KCNQ3: variants seen among roughly 807,000 people sequenced by gnomAD.
KCNQ3 encodes the protein potassium voltage-gated channel subfamily Q member 3.
A neutral mutation model predicts 92.5 loss-of-function variants in KCNQ3; 30 were observed. The observed-to-expected ratio is 0.32, with a 90% CI of 0.24 to 0.44. The LOEUF is 0.44. KCNQ3 is among the 20% of genes least tolerant of loss of function. The pLI, the probability that KCNQ3 is intolerant of heterozygous loss-of-function variation, is 1.00. For missense variants in KCNQ3, 913 were observed against 1,140.3 expected (o/e 0.80, Z 2.87); for synonymous variants, 450 against 468.8 (o/e 0.96, Z 0.52).
At chr8:132,225,642 C>T (rs539891059) in intron 1 of KCNQ3, among the ~76,000 whole-genome samples, 2 of 152,182 alleles carry the variant, frequency 1.3e-5, no homozygotes, top group Non-Finnish European at 2.9e-5. Context: ...TCAGTCACTT[C>T]ACATGGGCAG....
intron 11 of KCNQ3, among the ~76,000 whole-genome samples, chr8:132,139,571 C>T (rs1258306809): frequency 6.6e-6 from 1 of 152,112 alleles, no homozygotes; most frequent in Non-Finnish European, 1.5e-5. Context: ...CATTTTCTTG[C>T]AGAATTCTAA....
chr8:132,219,727 C>T (rs1814156618), intron 1 of KCNQ3, among the ~76,000 whole-genome samples: 1 of 152,110 alleles, frequency 6.6e-6, no homozygotes, highest in Non-Finnish European at 1.5e-5. Context: ...GGACAAGCCA[C>T]TAATCCTCTT....
rs1332237794 is a variant in KCNQ3 at position 132,396,625 on chromosome 8, G to C, written c.386+83522C>G. Reference sequence around the variant, plus strand: ...ACAGTTGTAGCGGGTAAGATTATAAGACAGTCCCCAAGATTTCTGCCTCTG... The same window carrying C: ...ACAGTTGTAGCGGGTAAGATTATAACACAGTCCCCAAGATTTCTGCCTCTG... On this transcript the variant is annotated intron_variant, in intron 1 of 14. Transcript: ENST00000388996. Among the ~76,000 whole-genome samples the C allele has an allele frequency of 2.6e-5, 4 of 152,212 alleles. No homozygotes were observed. In the East Asian group the frequency reaches 7.7e-4, roughly 29 times the overall value.
At chr8:132,344,978 A>C (rs1818640341) in intron 1 of KCNQ3, among the ~76,000 whole-genome samples, 1 of 152,158 alleles carries the variant, frequency 6.6e-6, no homozygotes, top group South Asian at 2.1e-4. Context: ...CCAGTCTCTC[A>C]AGGTCAACTT....
At chr8:132,182,756 C>CA (rs1325539942) in intron 3 of KCNQ3, among the ~76,000 whole-genome samples, 2 of 151,452 alleles carry the variant, frequency 1.3e-5, no homozygotes, top group African/African-American at 2.4e-5. Context: ...GCTGCACTTG[C>CA]AAAAAACTTG....
At chr8:132,264,758 T>C (rs1815925287) in intron 1 of KCNQ3, among the ~76,000 whole-genome samples, 2 of 152,204 alleles carry the variant, frequency 1.3e-5, no homozygotes, top group African/African-American at 2.4e-5. Context: ...ATCTCACTTA[T>C]CTGTGCTCAG....
chr8:132,337,614 G>A lies in KCNQ3; in HGVS notation c.386+142533C>T, dbSNP rs73710543. On this transcript the variant is annotated intron_variant, in intron 1 of 14. Transcript: ENST00000388996. Reference sequence around the variant, plus strand: ...ACCAACAGGTCACATGTTGATTAACGGTTTGGGACTCATACAGACATGGCA... The same window carrying A: ...ACCAACAGGTCACATGTTGATTAACAGTTTGGGACTCATACAGACATGGCA... 9.5e-3 allele frequency among the ~76,000 whole-genome samples: 1,445 copies of A among 152,186 alleles called. 22 individuals are homozygous for A. The highest frequency in any genetic ancestry group is 0.033 in the African/African-American group (1,365 of 41,524).
intron 1 of KCNQ3, among the ~76,000 whole-genome samples, chr8:132,323,147 C>T (rs983307770): frequency 2.6e-5 from 4 of 152,132 alleles, no homozygotes; most frequent in South Asian, 2.1e-4. Context: ...CACTGAGGCC[C>T]GCACTCTTTA....
chr8:132,276,563 G>A (rs374666365), intron 1 of KCNQ3, among the ~76,000 whole-genome samples: 1 of 152,128 alleles, frequency 6.6e-6, no homozygotes, highest in African/African-American at 2.4e-5. Context: ...TCCAGGCAGC[G>A]ATGGGTATTT....
chr8:132,397,808 G>A (rs924251592), intron 1 of KCNQ3, among the ~76,000 whole-genome samples: 4 of 152,120 alleles, frequency 2.6e-5, no homozygotes, highest in African/African-American at 7.2e-5. Flanking sequence ...ATTAAAGGTT[G>A]TTATCTCACT....
chr8:132,219,363 T>G (rs2130330276), intron 1 of KCNQ3, among the ~76,000 whole-genome samples: 1 of 152,224 alleles, frequency 6.6e-6, no homozygotes, highest in Admixed American at 6.5e-5. Context: ...TTAACTCTTC[T>G]CCTTGTGTAG....
At chr8:132,317,270 G>C (rs963103897) in intron 1 of KCNQ3, among the ~76,000 whole-genome samples, 1 of 152,102 alleles carries the variant, frequency 6.6e-6, no homozygotes, top group Non-Finnish European at 1.5e-5. Context: ...GACCCCATTT[G>C]TTTATAGTGA....
intron 1 of KCNQ3, among the ~76,000 whole-genome samples, chr8:132,352,008 A>C (rs1818882968): frequency 6.6e-6 from 1 of 152,182 alleles, no homozygotes; most frequent in South Asian, 2.1e-4. Context: ...ATAGCTCACA[A>C]GTGTGCAGAA....
intron 1 of KCNQ3, among the ~76,000 whole-genome samples, chr8:132,289,647 G>A (rs551890692): frequency 6.6e-6 from 1 of 152,278 alleles, no homozygotes; most frequent in African/African-American, 2.4e-5. Context: ...CTTAACTAGG[G>A]TAACATTCAC....
Position 132,166,616 on chromosome 8 carries a change from G to A in KCNQ3, c.1236-3122C>T, listed in dbSNP as rs139386618. Among the ~76,000 whole-genome samples, 205 of 152,146 alleles carry A rather than the reference G, an allele frequency of 1.3e-3. 1 individual carries two copies. The highest frequency in any genetic ancestry group is 4.6e-3 in the African/African-American group (190 of 41,506). On this transcript the variant is annotated intron_variant, in intron 8 of 14. Transcript: ENST00000388996. ...TCAGGTTTTTCTCATAGAAAATTGG[G>A]TTTGGACTTGAAACTCTTTGAAGTT...
chr8:132,183,356 G>C (rs933998143), intron 3 of KCNQ3, among the ~76,000 whole-genome samples: 1 of 152,142 alleles, frequency 6.6e-6, no homozygotes, highest in Non-Finnish European at 1.5e-5. Context: ...TGGATGAGTG[G>C]TGAGCACCTT....
chr8:132,187,260 C>T (rs1478864427), intron 1 of KCNQ3: 3 of 455,838 alleles, frequency 6.6e-6, no homozygotes, highest in African/African-American at 6.0e-5. Flanking sequence ...GTTGCGCATA[C>T]AGAGCTGGAA....
chr8:132,293,615 C>T (rs1185996687), intron 1 of KCNQ3, among the ~76,000 whole-genome samples: 2 of 152,190 alleles, frequency 1.3e-5, no homozygotes, highest in African/African-American at 4.8e-5. Context: ...TCATCAGTCC[C>T]TGCATGCTAT....
intron 1 of KCNQ3, among the ~76,000 whole-genome samples, chr8:132,377,487 G>A (rs1170505794): frequency 2.0e-5 from 3 of 152,230 alleles, no homozygotes; most frequent in African/African-American, 7.2e-5. Flanking sequence ...AGGAACACGA[G>A]AGGTAAGGAA....
Sources: gnomAD v4.1 joint callset for allele counts (sites outside exome capture counted in the v4.1 genomes callset) on GRCh38, gnomAD v4.1.1 for gene constraint, MANE v1.5 for transcripts, NCBI Gene and HGNC (gene_info 2026-07-23, HGNC 2026-07-21) for gene names.